Variants in DMD observed in about 807,000 individuals in gnomAD.
The protein encoded by DMD is dystrophin.
In DMD, 63 loss-of-function variants were observed where a neutral mutation model predicts 330.1. That is an observed-to-expected ratio of 0.19 (90% CI 0.16 to 0.24). The LOEUF is 0.24. Ranked by LOEUF, DMD falls within the 10% of genes least tolerant of loss-of-function variation. DMD has a pLI of 1.00. For missense variants in DMD, 3,344 were observed against 2,684.1 expected (o/e 1.25, Z -5.43); for synonymous variants, 1,223 against 959.8 (o/e 1.27, Z -5.07).
rs1337805409 is a variant in DMD, at chrX:32,251,272, T to C, written c.6291-34209A>G. Among the ~76,000 whole-genome samples the C allele has an allele frequency of 1.5e-4, 17 of 111,344 alleles. No individual in the cohort carries two copies. In the Admixed American group the frequency reaches 1.6e-3, roughly 11 times the overall value. On this transcript the variant is annotated intron_variant, in intron 43 of 78. Coordinates refer to ENST00000357033, the MANE Select transcript of DMD (RefSeq NM_004006.3). ...TCTCTCTTTAGGTTATTGCACCCAC[T>C]CACATAACTTTAAATATTATTTACA...
intron 56 of DMD, among the ~76,000 whole-genome samples, chrX:31,506,934 A>G (rs2071008078): frequency 8.9e-6 from 1 of 112,119 alleles, no homozygotes; most frequent in South Asian, 3.7e-4. Flanking sequence ...ATTCCATAAT[A>G]CATATCCGTT....
chrX:33,261,070 T>C (rs1428982161), intron 1 of DMD, among the ~76,000 whole-genome samples: 1 of 111,483 alleles, frequency 9.0e-6, no homozygotes, highest in African/African-American at 3.3e-5. Context: ...GGTGTTTGGT[T>C]TTATGTTAAT....
chrX:31,246,752 C>A (rs1490276946), intron 63 of DMD, among the ~76,000 whole-genome samples: 2 of 110,947 alleles, frequency 1.8e-5, no homozygotes, highest in Non-Finnish European at 3.8e-5. Flanking sequence ...ATGGTGAAAC[C>A]CCGTCTCCAC....
chrX:33,278,584 T>C (rs1185271021), intron 1 of DMD, among the ~76,000 whole-genome samples: 1 of 112,061 alleles, frequency 8.9e-6, no homozygotes, highest in Non-Finnish European at 1.9e-5. Flanking sequence ...AATCAACCAT[T>C]GTGGGCATGT....
chrX:33,184,330 C>T (rs981607440), intron 1 of DMD, among the ~76,000 whole-genome samples: 48 of 111,767 alleles, frequency 4.3e-4, no homozygotes, highest in African/African-American at 1.4e-3. Flanking sequence ...AATAAAATAA[C>T]GCACTATTCT....
intron 44 of DMD, among the ~76,000 whole-genome samples, chrX:32,156,836 C>G (rs760039766): frequency 9.0e-6 from 1 of 111,582 alleles, no homozygotes; most frequent in South Asian, 3.8e-4. Context: ...AAGCAAAATG[C>G]AAGCTGGCAT....
chrX:32,485,968 G>A (rs1041129751), intron 20 of DMD, among the ~76,000 whole-genome samples: 2 of 109,184 alleles, frequency 1.8e-5, no homozygotes, highest in Non-Finnish European at 3.8e-5. Flanking sequence ...GTCTCAAACT[G>A]CTGACCTCAT....
At chrX:32,097,998 C>T (rs953394079) in intron 44 of DMD, among the ~76,000 whole-genome samples, 1 of 110,935 alleles carries the variant, frequency 9.0e-6, no homozygotes, top group Non-Finnish European at 1.9e-5. Flanking sequence ...CAGATAAACA[C>T]CAAAAGCACT....
intron 7 of DMD, among the ~76,000 whole-genome samples, chrX:32,737,513 A>G (rs765649416): frequency 9.0e-6 from 1 of 111,587 alleles, no homozygotes; most frequent in African/African-American, 3.3e-5. Context: ...CTTGAAAACT[A>G]AACTATATTA....
intron 42 of DMD, among the ~76,000 whole-genome samples, chrX:32,309,269 G>A (rs1281557645): frequency 9.0e-6 from 1 of 111,432 alleles, no homozygotes; most frequent in South Asian, 3.7e-4. Context: ...AAATACTTTA[G>A]CTAATATGTG....
At chrX:31,475,741 G>A (rs1027543576) in intron 59 of DMD, among the ~76,000 whole-genome samples, 1 of 111,627 alleles carries the variant, frequency 9.0e-6, no homozygotes, top group African/African-American at 3.2e-5. Context: ...TAAAACATTG[G>A]GGTAGAAGGG....
chrX:32,284,909 C>G (rs186419642), intron 43 of DMD, among the ~76,000 whole-genome samples: 1 of 111,829 alleles, frequency 8.9e-6, no homozygotes, highest in East Asian at 2.8e-4. Flanking sequence ...TAGAGAAACT[C>G]TATCCTTTGT....
intron 1 of DMD, among the ~76,000 whole-genome samples, chrX:33,291,363 G>A (rs983722597): frequency 1.8e-5 from 2 of 110,765 alleles, no homozygotes; most frequent in Non-Finnish European, 3.8e-5. Flanking sequence ...GGATGCCCTC[G>A]CTCACCACTC....
intron 51 of DMD, among the ~76,000 whole-genome samples, chrX:31,759,238 T>G (rs1244033800): frequency 1.8e-5 from 2 of 108,759 alleles, no homozygotes; most frequent in Non-Finnish European, 3.8e-5. Context: ...TACCCAATTC[T>G]TGTCATGAAT....
At chrX:32,535,069 T>A (rs1466324641) in intron 17 of DMD, among the ~76,000 whole-genome samples, 1 of 111,728 alleles carries the variant, frequency 9.0e-6, no homozygotes, top group Non-Finnish European at 1.9e-5. Flanking sequence ...GAGACATTGT[T>A]TTTTAAATGT....
intron 48 of DMD, among the ~76,000 whole-genome samples, chrX:31,855,679 T>C (rs1027653197): frequency 2.3e-4 from 25 of 110,990 alleles, no homozygotes; most frequent in African/African-American, 8.1e-4. Context: ...CTACCATAAC[T>C]AATAAACTCA....
At position 31,687,849 on chromosome X, in the gene DMD, G is replaced by A. The variant is rs539196322; in HGVS notation, c.7661-8263C>T. On this transcript the variant is annotated intron_variant, in intron 52 of 78. Transcript: ENST00000357033. Reference sequence around the variant, plus strand: ...CTTGACCTGTGGGAGTTTGATTATTGCATGCCTTGAGGTAGTCTCTGAGAT... The same window carrying A: ...CTTGACCTGTGGGAGTTTGATTATTACATGCCTTGAGGTAGTCTCTGAGAT... Among the ~76,000 whole-genome samples, 21 of 111,508 alleles carry A rather than the reference G, an allele frequency of 1.9e-4. 1 individual carries two copies. The highest frequency in any genetic ancestry group is 3.8e-4 in the South Asian group (1 of 2,608).
At chrX:32,525,582 T>A (rs1480660541) in intron 17 of DMD, among the ~76,000 whole-genome samples, 1 of 111,852 alleles carries the variant, frequency 8.9e-6, no homozygotes, top group African/African-American at 3.2e-5. Flanking sequence ...TTATTCCTTA[T>A]CAATTTAGCA....
chrX:32,757,032 C>T (rs1046188860), intron 7 of DMD, among the ~76,000 whole-genome samples: 1 of 111,172 alleles, frequency 9.0e-6, no homozygotes, highest in Non-Finnish European at 1.9e-5. Context: ...AAGAGATTAG[C>T]TCCATTTTTT....
Sources: allele counts gnomAD v4.1 joint callset (sites outside exome capture counted in the v4.1 genomes callset), GRCh38; gene constraint gnomAD v4.1.1; transcripts MANE v1.5; gene names NCBI Gene and HGNC (gene_info 2026-07-23, HGNC 2026-07-21).